The following COL6A5 variants were observed in gnomAD, a reference collection of about 807,000 sequenced individuals.
The protein encoded by COL6A5 is collagen alpha-5(VI) chain.
A neutral mutation model predicts 65.6 loss-of-function variants in COL6A5; 48 were observed. The observed-to-expected ratio is 0.73, with a 90% CI of 0.58 to 0.93. The LOEUF is 0.93. Ranked by LOEUF, COL6A5 falls within the 40% of genes least tolerant of loss-of-function variation. The pLI, the probability that COL6A5 is intolerant of heterozygous loss-of-function variation, is 0.00. For synonymous variants in COL6A5, 291 were observed against 322.8 expected (o/e 0.90, Z 1.05); for missense variants, 914 against 928.3 (o/e 0.98, Z 0.20).
chr3:130,469,602 T>A, intron 6 of COL6A5, 121 bp downstream of exon 38: 2 of 782,012 alleles, frequency 2.6e-6, no homozygotes, highest in Non-Finnish European at 4.0e-6. Flanking sequence ...TATAAGTGAG[T>A]AGGAGGCAGT....
rs187960402 is a variant in COL6A5 at position 130,404,864 on chromosome 3, A to G, written c.4282-724A>G. 4.6e-5 allele frequency among the ~76,000 whole-genome samples: 7 copies of G among 152,380 alleles called. No individual in the cohort carries two copies. The East Asian group carries it at 1.3e-3, about 29-fold the overall frequency. On this transcript the variant is annotated intron_variant and NMD_transcript_variant, in intron 13 of 41. Coordinates refer to the COL6A5 transcript ENST00000312481. ...ATGCAGCAAAATGTAAGCACCTGTT[A>G]TGCACCTAGACATGAGCCAGTCACA...
intron 5 of COL6A5, among the ~76,000 whole-genome samples, chr3:130,464,875 G>A (rs1006484223): frequency 2.0e-5 from 3 of 152,198 alleles, no homozygotes; most frequent in Middle Eastern, 3.4e-3. Context: ...AGAATGTGGT[G>A]TATATATGAC....
rs1237594801 is a variant in COL6A5 at position 130,415,802 on chromosome 3, A to G, written c.4824+95A>G. ...TCACATATAATTTTTTGTATTATTT[A>G]CATATATATTATTTCATTTTTGGAT... is the stretch of plus-strand genomic sequence containing the variant. On this transcript the variant is annotated intron_variant and NMD_transcript_variant, in intron 23 of 41. Coordinates refer to the COL6A5 transcript ENST00000312481. The G allele has an allele frequency of 6.8e-6, 7 of 1,033,098 alleles. No homozygotes were observed. In the Admixed American group the frequency reaches 1.7e-4, roughly 25 times the overall value. The allele number at this position is 1,033,098 out of a possible 1,614,324, so 64.0% of individuals were successfully genotyped here.
In COL6A5 at chr3:130,425,791, C is replaced by T. The variant is rs144166631; in HGVS notation, c.5164-423C>T. Among the ~76,000 whole-genome samples, 72 of 152,212 alleles carry T rather than the reference C, an allele frequency of 4.7e-4. 1 individual carries two copies. The highest frequency in any genetic ancestry group is 1.7e-3 in the African/African-American group (70 of 41,534). The stretch of plus-strand genomic sequence containing the variant: ...TTTCCTGTGCTTTACACTCTTGATG[C>T]GTAATATAACTGTTCCTCTGAATTC... On this transcript the variant is annotated intron_variant and NMD_transcript_variant, in intron 29 of 41. Transcript: ENST00000312481.
intron 25 of COL6A5, among the ~76,000 whole-genome samples, chr3:130,420,144 A>AGAAGGAAGGAAG (rs376710562): frequency 3.3e-5 from 5 of 151,290 alleles, no homozygotes; most frequent in South Asian, 2.1e-4. Context: ...AAAGGAAGAA[A>AGAAGGAAGGAAG]GAAGGAAGGA....
intron 21 of COL6A5, 111 bp downstream of exon 21, chr3:130,413,691 G>A: frequency 8.9e-7 from 1 of 1,118,464 alleles, no homozygotes; most frequent in Non-Finnish European, 1.3e-6. Flanking sequence ...GGTATAGGAA[G>A]TGCCCAGTAC....
chr3:130,411,178 C>T (rs939625977), intron 20 of COL6A5, among the ~76,000 whole-genome samples: 15 of 152,150 alleles, frequency 9.9e-5, no homozygotes, highest in Admixed American at 7.9e-4. Context: ...GGATATTGGA[C>T]TTCCATATCT....
At chr3:130,432,195 C>T (rs1441603841) in intron 1 of COL6A5, among the ~76,000 whole-genome samples, 1 of 152,128 alleles carries the variant, frequency 6.6e-6, no homozygotes, top group East Asian at 1.9e-4. Flanking sequence ...CTAGAGCTTT[C>T]CATATGTATT....
At chr3:130,376,115 A>T in intron 2 of COL6A5, 122 bp from the exon 3 acceptor site, 2 of 987,444 alleles carry the variant, frequency 2.0e-6, no homozygotes. Context: ...CCTCCAGAAG[A>T]CACTTTTCTT....
At chr3:130,399,232 G>A (rs1936721878) in intron 10 of COL6A5, among the ~76,000 whole-genome samples, 1 of 152,154 alleles carries the variant, frequency 6.6e-6, no homozygotes, top group Admixed American at 6.5e-5. Context: ...TTATTGCTCA[G>A]TTGTGTCTCT....
intron 10 of COL6A5, among the ~76,000 whole-genome samples, chr3:130,399,860 C>G (rs1001053851): frequency 2.6e-5 from 4 of 152,094 alleles, no homozygotes; most frequent in Non-Finnish European, 4.4e-5. Context: ...TCAAGCGATT[C>G]TCCTGCCTCA....
intron 24 of COL6A5, among the ~76,000 whole-genome samples, chr3:130,418,429 C>G (rs926497242): frequency 1.3e-5 from 2 of 152,088 alleles, no homozygotes; most frequent in Admixed American, 6.6e-5. Flanking sequence ...ACTTAGACTC[C>G]CCTTCTGTTT....
chr3:130,409,468 C>A, intron 18 of COL6A5, 80 bp downstream of exon 18: 1 of 1,250,098 alleles, frequency 8.0e-7, no homozygotes, highest in South Asian at 1.5e-5. Flanking sequence ...GTGTTTCCTG[C>A]CTACCCTGTA....
chr3:130,414,204 T>C (rs1937270714), intron 22 of COL6A5, 73 bp downstream of exon 22: 3 of 1,190,358 alleles, frequency 2.5e-6, no homozygotes, highest in Non-Finnish European at 3.6e-6. Context: ...CAGGTATTTC[T>C]GTATAAAAAT....
rs10590917 is a variant in COL6A5 at position 130,395,886 on chromosome 3, C to CGT, written c.3568+440_3568+441dup. 1.2e-3 allele frequency among the ~76,000 whole-genome samples: 182 copies of CGT among 150,276 alleles called. 2 individuals are homozygous for CGT. The highest frequency in any genetic ancestry group is 4.4e-3 in the South Asian group (21 of 4,742). On this transcript the variant is annotated intron_variant and NMD_transcript_variant, in intron 8 of 41. Transcript: ENST00000312481. ...TTGTTAAGCCATCTTGTAAGGGACT[C>CGT]GTGTGTGTGTGTGTGTGTGTATGTG...
At chr3:130,411,283 C>T (rs923066497) in intron 20 of COL6A5, among the ~76,000 whole-genome samples, 2 of 152,200 alleles carry the variant, frequency 1.3e-5, no homozygotes, top group Non-Finnish European at 2.9e-5. Flanking sequence ...CTCTCTCATG[C>T]GCTCAGCATG....
chr3:130,424,929 G>T (rs1032080469), intron 29 of COL6A5, among the ~76,000 whole-genome samples: 6 of 151,970 alleles, frequency 3.9e-5, no homozygotes, highest in Non-Finnish European at 8.8e-5. Context: ...TGGCTTCTTT[G>T]TCTCAAGCTC....
intron 4 of COL6A5, among the ~76,000 whole-genome samples, chr3:130,450,280 A>G (rs1709402360): frequency 6.6e-6 from 1 of 152,112 alleles, no homozygotes; most frequent in Admixed American, 6.5e-5. Flanking sequence ...CATCTATATC[A>G]TACTTAGAGC....
chr3:130,372,180 T>C lies in COL6A5; in HGVS notation c.-28-1431T>C, dbSNP rs2107633562. Among the ~76,000 whole-genome samples, 3 of 152,190 alleles carry C rather than the reference T, an allele frequency of 2.0e-5. No homozygotes were observed. The Middle Eastern group carries it at 0.01, about 518-fold the overall frequency. On this transcript the variant is annotated intron_variant and NMD_transcript_variant, in intron 1 of 41. Transcript: ENST00000312481. ...AATGGAAAATAAGTGTTGATGGCAA[T>C]GTGGAGAAGTTGGGACCTTTATACA...
Sources: gnomAD v4.1 joint callset for allele counts (sites outside exome capture counted in the v4.1 genomes callset) on GRCh38, gnomAD v4.1.1 for gene constraint, MANE v1.5 for transcripts, NCBI Gene and HGNC (gene_info 2026-07-23, HGNC 2026-07-21) for gene names.